The following MELTF variants were observed in gnomAD, a reference collection of about 807,000 sequenced individuals.
The protein encoded by MELTF is melanotransferrin, also known as antigen p97 (melanoma associated) identified by monoclonal antibodies 133.2 and 96.5.
MELTF carries 67 observed loss-of-function variants against 83.7 expected under a neutral mutation model. That is an observed-to-expected ratio of 0.80 (90% CI 0.66 to 0.98). The LOEUF is 0.98. MELTF is among the 50% of genes least tolerant of loss of function. The pLI is 0.00. For missense variants in MELTF, 1,002 were observed against 1,035.6 expected, an observed-to-expected ratio of 0.97 and a Z score of 0.44; for synonymous variants, 462 against 447.6, an observed-to-expected ratio of 1.03 and a Z score of -0.41.
intron 4 of MELTF, among the ~76,000 whole-genome samples, chr3:197,023,620 T>C (rs1411230511): frequency 6.6e-6 from 1 of 152,148 alleles, no homozygotes; most frequent in African/African-American, 2.4e-5. Flanking sequence ...CCACAAGTAT[T>C]TATCCTGTGC....
chr3:197,016,189 G>T lies in MELTF; in HGVS notation c.1081C>A (p.Arg361=). The T allele has an allele frequency of 6.5e-7, 1 of 1,531,298 alleles. No homozygotes were observed. Among genetic ancestry groups the T allele is most frequent in the South Asian group, 1.3e-5 (1 of 78,566 alleles). The allele number at this position is 1,531,298 out of a possible 1,614,324, so 94.9% of individuals were successfully genotyped here. ...CAGCAGTGGGGACAGGTGGACTTAC[G>T]GTTGGGGTCACAGAGCAGACCCTTC... ...AMKGLLCDPN[R]LPPYLRWCVL... is the part of the protein sequence containing the mutation. The change falls in exon 8 of 16, where the codon CGG becomes AGG. Residue 361 remains arginine, a splice_region_variant and synonymous_variant. Coordinates refer to ENST00000296350, the MANE Select transcript of MELTF (RefSeq NM_005929.6).
Position 197,015,395 on chromosome 3 carries a change from C to T in MELTF, c.1203G>A (p.Lys401=), listed in dbSNP as rs1275686967. The T allele has an allele frequency of 5.1e-6, 8 of 1,578,086 alleles. No homozygotes were observed. The highest frequency in any genetic ancestry group is 6.0e-6 in the Non-Finnish European group (7 of 1,162,378). Residue 401 remains lysine, a synonymous_variant, in exon 9 of 16, where the codon AAG becomes AAA. Coordinates refer to ENST00000296350, the MANE Select transcript of MELTF (RefSeq NM_005929.6). ...LKPEIQCVSA[K]SPQHCMERIQ... ...TCCGCTCCATGCAGTGTTGGGGGGACTTGGCTGACACGCACTGGATCTCTG... is the reference window on the plus strand; with the variant it reads ...TCCGCTCCATGCAGTGTTGGGGGGATTTGGCTGACACGCACTGGATCTCTG...
intron 14 of MELTF, 35 bp from the exon 15 acceptor site, chr3:197,004,134 C>T (rs1718890737): frequency 1.2e-6 from 2 of 1,609,446 alleles, no homozygotes; most frequent in Non-Finnish European, 1.7e-6. Flanking sequence ...CTGCTCCTCA[C>T]TGGGCTCAGG....
intron 6 of MELTF, among the ~76,000 whole-genome samples, chr3:197,017,674 A>G (rs199938814): frequency 0.012 from 1,823 of 152,114 alleles, 18 homozygotes; most frequent in African/African-American, 0.027. Flanking sequence ...TCAGGAGATC[A>G]AGACCATCCT....
intron 6 of MELTF, 88 bp downstream of exon 6, chr3:197,021,316 A>G (rs1490014607): frequency 1.2e-5 from 16 of 1,315,660 alleles, no homozygotes; most frequent in Non-Finnish European, 1.7e-5. Flanking sequence ...AGGGCGTTTG[A>G]TCCCAACTCT....
At chr3:197,023,135 G>C in intron 4 of MELTF, 22 bp from the exon 5 acceptor site, 1 of 1,612,890 alleles carries the variant, frequency 6.2e-7, no homozygotes, top group Non-Finnish European at 8.5e-7. Context: ...AGGTAGAGAG[G>C]TCACTCAGCA....
Position 197,016,249 on chromosome 3 carries a change from C to T in MELTF, c.1021G>A (p.Glu341Lys), listed in dbSNP as rs774202868. 3.7e-6 allele frequency: 6 copies of T among 1,611,606 alleles called. No individual in the cohort carries two copies. The Admixed American group carries it at 6.7e-5, about 18-fold the overall frequency. ...ELVPIATQTY[E>K]AWLGHEYLHA... ...AGGTACTCATGGCCCAGCCACGCCT[C>T]ATAGGTCTGTGTGGCGATGGGCACA... The change falls in exon 8 of 16, where the codon GAG (glutamate) becomes AAG (lysine). Residue 341 changes from glutamate to lysine, a missense_variant. By Grantham distance (56) the Glu-to-Lys change is moderately conservative. Coordinates refer to ENST00000296350, the MANE Select transcript of MELTF (RefSeq NM_005929.6).
rs1261230343 is a variant in MELTF at position 197,002,082 on chromosome 3, G to C, written c.*1290C>G. 3 of 152,306 alleles carry C rather than the reference G, an allele frequency of 2.0e-5. No homozygotes were observed. Among genetic ancestry groups the C allele is most frequent in the African/African-American group, 7.2e-5 (3 of 41,472 alleles). 9.4% of individuals were successfully genotyped at this position (152,306 alleles called of 1,614,324 possible). ...TTGTGGCCCCTCCCGGTGGGGTGAA[G>C]GTGCCCGGGACTCCTCGGGGTTGCA... On this transcript the variant is annotated 3_prime_UTR_variant, in exon 16 of 16. Coordinates refer to ENST00000296350, the MANE Select transcript of MELTF (RefSeq NM_005929.6).
chr3:197,024,380 G>A lies in MELTF; in HGVS notation c.410C>T (p.Thr137Ile), dbSNP rs1719763659. The part of the protein sequence containing the change: ...VKSCHTGINR[T>I]VGWNVPVGYL... ...GCCCACGGGCACGTTCCAGCCCACT[G>A]TGCGATTGATGCCCGTGTGGCAGGA... is the stretch of plus-strand genomic sequence containing the variant. Residue 137 changes from threonine (T) to isoleucine (I), a missense_variant, in exon 4 of 16, where the codon ACA (threonine) becomes ATA (isoleucine). Coordinates refer to ENST00000296350, the MANE Select transcript of MELTF (RefSeq NM_005929.6). This position sits in a 1 kb window ranked among gnomAD's most constrained non-coding sequence, Gnocchi z 5.3. 1 of 1,610,356 alleles carries A rather than the reference G, an allele frequency of 6.2e-7. No individual in the cohort carries two copies. The highest frequency in any genetic ancestry group is 8.5e-7 in the Non-Finnish European group (1 of 1,178,188).
At chr3:197,004,380 A>C (rs143779573) in intron 14 of MELTF, 1 of 485,874 alleles carries the variant, frequency 2.1e-6, no homozygotes, top group Non-Finnish European at 3.8e-6. Context: ...TGAGATGTCC[A>C]GGAAGAAAGA....
At chr3:197,004,127 C>A in intron 14 of MELTF, 28 bp from the exon 15 acceptor site, 1 of 1,611,412 alleles carries the variant, frequency 6.2e-7, no homozygotes, top group Non-Finnish European at 8.5e-7. Context: ...AGACGACCTG[C>A]TCCTCACTGG....
In MELTF at chr3:197,002,527, G is replaced by A. The variant is rs1205135870; in HGVS notation, c.*845C>T. 1 of 152,224 alleles carries A rather than the reference G, an allele frequency of 6.6e-6. No individual in the cohort carries two copies. The highest frequency in any genetic ancestry group is 2.4e-5 in the African/African-American group (1 of 41,464). 9.4% of individuals were successfully genotyped at this position (152,224 alleles called of 1,614,324 possible). ...CCCCCGTTCGGAACCCAGAAGCATGGCGGGTCCCCACGCGCAGCCCTTCAG... is the reference window on the plus strand; with the variant it reads ...CCCCCGTTCGGAACCCAGAAGCATGACGGGTCCCCACGCGCAGCCCTTCAG... On this transcript the variant is annotated 3_prime_UTR_variant, in exon 16 of 16. Coordinates refer to ENST00000296350, the MANE Select transcript of MELTF (RefSeq NM_005929.6).
In MELTF at chr3:197,029,217, A is replaced by T. The variant is rs1049941208; in HGVS notation, c.49+437T>A. On this transcript the variant is annotated intron_variant, in intron 1 of 15. Coordinates refer to ENST00000296350, the MANE Select transcript of MELTF (RefSeq NM_005929.6). The surrounding 1 kb of genome is among the most constrained non-coding windows in gnomAD (Gnocchi z 6.5). ...CTCCACCTCCATCCCTGCATGTGCC[A>T]GAAACCCCCGGGCGGACTCCCGCGC... is the stretch of plus-strand genomic sequence containing the variant. The T allele has an allele frequency of 1.3e-5, 2 of 156,258 alleles. No individual in the cohort carries two copies. Among genetic ancestry groups the T allele is most frequent in the African/African-American group, 4.8e-5 (2 of 41,622 alleles). 9.7% of individuals were successfully genotyped at this position (156,258 alleles called of 1,614,324 possible). A position where few individuals can be genotyped will look rare whatever the true frequency, so the allele number is the denominator to read the frequency against.
chr3:197,009,673 C>T lies in MELTF; in HGVS notation c.1470G>A (p.Val490=). 1 of 1,613,896 alleles carries T rather than the reference C, an allele frequency of 6.2e-7. No individual in the cohort carries two copies. The highest frequency in any genetic ancestry group is 1.1e-5 in the South Asian group (1 of 91,084). Reference sequence around the variant, plus strand: ...TGAAGCCTCTCTGAATAAGGGCACCCACGGGGACATCCCAGCCTGCAGGGC... The same window carrying T: ...TGAAGCCTCTCTGAATAAGGGCACCTACGGGGACATCCCAGCCTGCAGGGC... ...FGSPAGWDVP[V]GALIQRGFIR... Residue 490 remains valine (V), a synonymous_variant, in exon 11 of 16, where the codon GTG becomes GTA. Transcript: ENST00000296350.
chr3:197,008,551 C>G lies in MELTF; in HGVS notation c.1750+106G>C, dbSNP rs1719057780. 2 of 1,306,576 alleles carry G rather than the reference C, an allele frequency of 1.5e-6. No individual in the cohort carries two copies. Among genetic ancestry groups the G allele is most frequent in the Non-Finnish European group, 1.1e-6 (1 of 933,916 alleles). 80.9% of individuals were successfully genotyped at this position (1,306,576 alleles called of 1,614,324 possible). A position where few individuals can be genotyped will look rare whatever the true frequency, so the allele number is the denominator to read the frequency against. On this transcript the variant is annotated intron_variant, in intron 13 of 15. Coordinates refer to ENST00000296350, the MANE Select transcript of MELTF (RefSeq NM_005929.6). This position sits in a 1 kb window ranked among gnomAD's most constrained non-coding sequence, Gnocchi z 5.4. ...GGGCACAGCCTTCTAGACTCAGCCT[C>G]TCTGAGCTGCTGCTTGGCCCCAGCC...
rs150584755 is a variant in MELTF at position 197,005,246 on chromosome 3, C to T, written c.1939-1147G>A. 4.5e-3 allele frequency among the ~76,000 whole-genome samples: 686 copies of T among 152,168 alleles called. 4 individuals carry two copies. Among genetic ancestry groups the T allele is most frequent in the South Asian group, 0.02 (95 of 4,820 alleles). ...TGGCTGTAGAGCACGAGAGGAAGAC[C>T]GGAGTCAAAAATGACTCCCGAGGAA... On this transcript the variant is annotated intron_variant, in intron 14 of 15. Coordinates refer to ENST00000296350, the MANE Select transcript of MELTF (RefSeq NM_005929.6).
chr3:197,021,397 C>G lies in MELTF; in HGVS notation c.712+7G>C, dbSNP rs773064129. On this transcript the variant is annotated splice_region_variant and intron_variant, in intron 6 of 15. Transcript: ENST00000296350. ...CTCCTCTGGGCCCGTGCCCCTCCCC[C>G]ACTCACCATCCGTGTTCTCCAGTAC... 75 of 1,613,892 alleles carry G rather than the reference C, an allele frequency of 4.6e-5. 1 individual carries two copies. The East Asian group carries it at 8.7e-4, about 19-fold the overall frequency.
chr3:197,011,594 G>A lies in MELTF; in HGVS notation c.1234-800C>T, dbSNP rs1048587838. 6.6e-6 allele frequency among the ~76,000 whole-genome samples: 1 copy of A among 152,190 alleles called. No individual in the cohort carries two copies. The highest frequency in any genetic ancestry group is 6.5e-5 in the Admixed American group (1 of 15,284). On this transcript the variant is annotated intron_variant, in intron 9 of 15. Transcript: ENST00000296350. This position sits in a 1 kb window ranked among gnomAD's most constrained non-coding sequence, Gnocchi z 4.2. ...ATGGCGGTTAATAACAGGCAGCGGC[G>A]TTGATATTTGGGGCCAGGAGGGTGC...
intron 4 of MELTF, chr3:197,023,880 T>C (rs1421014760): frequency 2.2e-6 from 1 of 460,486 alleles, no homozygotes. Flanking sequence ...TTGGGAGCTT[T>C]CTGGGTGCAA....
Sources: allele counts gnomAD v4.1 joint callset (sites outside exome capture counted in the v4.1 genomes callset), GRCh38; gene constraint gnomAD v4.1.1; non-coding constraint Gnocchi (gnomAD v3.1); transcripts MANE v1.5; gene names NCBI Gene and HGNC (gene_info 2026-07-23, HGNC 2026-07-21).